The following GPC6 variants were observed in gnomAD, a reference collection of about 807,000 sequenced individuals.
The protein encoded by GPC6 is glypican-6.
A neutral mutation model predicts 55.2 loss-of-function variants in GPC6; 14 were observed. The ratio of observed to expected loss-of-function variants is 0.25; its 90% CI spans 0.17 to 0.40. The LOEUF is 0.40. Among genes scored for constraint, GPC6 ranks in the 10% least tolerant of loss-of-function variants. The pLI is 1.00. For missense variants in GPC6, 641 were observed against 708.5 expected (o/e 0.90, Z 1.08); for synonymous variants, 278 against 259.6 (o/e 1.07, Z -0.68).
At chr13:93,363,841 A>G (rs990210547) in intron 1 of GPC6, among the ~76,000 whole-genome samples, 1 of 151,996 alleles carries the variant, frequency 6.6e-6, no homozygotes. Flanking sequence ...CTGGTGTGAG[A>G]TGGTATCTCA....
At chr13:93,644,119 T>C (rs1205425425) in intron 2 of GPC6, among the ~76,000 whole-genome samples, 1 of 152,130 alleles carries the variant, frequency 6.6e-6, no homozygotes, top group Non-Finnish European at 1.5e-5. Flanking sequence ...TTGAAGCTTA[T>C]CTCTTGCTTT....
At chr13:93,453,794 G>T (rs1408245576) in intron 1 of GPC6, among the ~76,000 whole-genome samples, 1 of 151,960 alleles carries the variant, frequency 6.6e-6, no homozygotes, top group Admixed American at 6.6e-5. Flanking sequence ...GATTGTTACA[G>T]CTCATAAAAG....
At chr13:93,876,425 G>A (rs1301549059) in intron 3 of GPC6, among the ~76,000 whole-genome samples, 6 of 151,924 alleles carry the variant, frequency 3.9e-5, no homozygotes, top group African/African-American at 1.2e-4. Flanking sequence ...AACATTTGAA[G>A]GTAACTTCTT....
chr13:93,433,038 A>T (rs1007777216), intron 1 of GPC6, among the ~76,000 whole-genome samples: 4 of 152,156 alleles, frequency 2.6e-5, no homozygotes, highest in Non-Finnish European at 5.9e-5. Context: ...TCTTTTTTTC[A>T]CTTAGAAAAA....
chr13:94,323,342 GT>G (rs938535305), intron 6 of GPC6, among the ~76,000 whole-genome samples: 2 of 152,150 alleles, frequency 1.3e-5, no homozygotes, highest in Admixed American at 6.5e-5. Context: ...AATCTTATTT[GT>G]AATGATGATA....
chr13:93,830,396 G>A lies in GPC6; in HGVS notation c.562G>A (p.Glu188Lys). The A allele has an allele frequency of 6.2e-7, 1 of 1,613,914 alleles. No homozygotes were observed. Among genetic ancestry groups the A allele is most frequent in the Non-Finnish European group, 8.5e-7 (1 of 1,179,958 alleles). The change falls in exon 3 of 9, where the codon GAA becomes AAA. Residue 188 changes from glutamate (E) to lysine (K), a missense_variant. Transcript: ENST00000377047. ...PQYHFSEDYL[E>K]CVSKYTDQLK... ...GTATCACTTCAGTGAAGACTACCTGGAATGTGTGAGCAAATACACTGACCA... is the reference window on the plus strand; with the variant it reads ...GTATCACTTCAGTGAAGACTACCTGAAATGTGTGAGCAAATACACTGACCA...
At chr13:93,548,005 C>T (rs898716273) in intron 2 of GPC6, among the ~76,000 whole-genome samples, 3 of 152,156 alleles carry the variant, frequency 2.0e-5, no homozygotes, top group Non-Finnish European at 2.9e-5. Context: ...AATACTCTCT[C>T]ATGTCACTTA....
chr13:93,671,027 A>T (rs962108917), intron 2 of GPC6, among the ~76,000 whole-genome samples: 6 of 152,116 alleles, frequency 3.9e-5, no homozygotes, highest in African/African-American at 1.4e-4. Flanking sequence ...AAAGCAAGGG[A>T]TCTTTTTAAA....
At chr13:93,574,245 G>C (rs998483735) in intron 2 of GPC6, among the ~76,000 whole-genome samples, 3 of 152,110 alleles carry the variant, frequency 2.0e-5, no homozygotes, top group Non-Finnish European at 2.9e-5. Context: ...GTTAAGATGA[G>C]GTTATACTGG....
chr13:93,300,043 A>C (rs572189307), intron 1 of GPC6, among the ~76,000 whole-genome samples: 72 of 152,304 alleles, frequency 4.7e-4, no homozygotes, highest in African/African-American at 1.7e-3. Flanking sequence ...CTCCCAATGA[A>C]ATAAGGTAGT....
At chr13:93,983,375 T>C (rs1053219746) in intron 3 of GPC6, among the ~76,000 whole-genome samples, 5 of 152,170 alleles carry the variant, frequency 3.3e-5, no homozygotes, top group African/African-American at 9.7e-5. Flanking sequence ...AGCTTTCTGG[T>C]ATGTTGGAGA....
chr13:93,990,751 T>A (rs1256167403), intron 3 of GPC6, among the ~76,000 whole-genome samples: 1 of 151,692 alleles, frequency 6.6e-6, no homozygotes, highest in Non-Finnish European at 1.5e-5. Context: ...TGTTCCTAGC[T>A]ACTTGGGAAG....
chr13:93,277,336 A>G (rs554355839), intron 1 of GPC6, among the ~76,000 whole-genome samples: 4 of 152,340 alleles, frequency 2.6e-5, no homozygotes, highest in African/African-American at 4.8e-5. Context: ...GATGAAGACA[A>G]TATCTGCCAA....
chr13:93,617,785 T>C (rs1878785676), intron 2 of GPC6, among the ~76,000 whole-genome samples: 1 of 152,090 alleles, frequency 6.6e-6, no homozygotes, highest in African/African-American at 2.4e-5. Flanking sequence ...GAGAATACTC[T>C]ATAACCTATT....
At chr13:94,203,327 T>A (rs546283136) in intron 4 of GPC6, among the ~76,000 whole-genome samples, 1 of 151,586 alleles carries the variant, frequency 6.6e-6, no homozygotes, top group Non-Finnish European at 1.5e-5. Flanking sequence ...AAAATAACCA[T>A]GAAAATTCCA....
chr13:94,046,648 T>G (rs1016169300), intron 4 of GPC6, among the ~76,000 whole-genome samples: 3 of 152,150 alleles, frequency 2.0e-5, no homozygotes, highest in Non-Finnish European at 4.4e-5. Flanking sequence ...GAAATTATTA[T>G]TATACCTTAT....
chr13:94,079,674 C>G (rs1481121789), intron 4 of GPC6, among the ~76,000 whole-genome samples: 2 of 152,152 alleles, frequency 1.3e-5, no homozygotes. Flanking sequence ...CTCCTGACAG[C>G]CTACATTTCA....
At chr13:93,767,779 A>G (rs971795936) in intron 2 of GPC6, among the ~76,000 whole-genome samples, 1 of 152,172 alleles carries the variant, frequency 6.6e-6, no homozygotes, top group East Asian at 1.9e-4. Flanking sequence ...AGAGGGGAAA[A>G]TTTGCTGAGC....
At chr13:94,203,382 C>T (rs1465043670) in intron 4 of GPC6, among the ~76,000 whole-genome samples, 4 of 151,696 alleles carry the variant, frequency 2.6e-5, no homozygotes, top group East Asian at 1.9e-4. Flanking sequence ...AATCACTGAA[C>T]GAATACATTT....
Sources: allele counts gnomAD v4.1 joint callset (sites outside exome capture counted in the v4.1 genomes callset), GRCh38; gene constraint gnomAD v4.1.1; transcripts MANE v1.5; gene names NCBI Gene and HGNC (gene_info 2026-07-23, HGNC 2026-07-21).